AGBL1: variants seen among roughly 807,000 people sequenced by gnomAD.
AGBL1 encodes AGBL carboxypeptidase 1, also known as cytosolic carboxypeptidase 4.
AGBL1 carries 130 observed loss-of-function variants against 118.9 expected under a neutral mutation model. The ratio of observed to expected loss-of-function variants is 1.09; its 90% CI spans 0.95 to 1.26. The LOEUF (loss-of-function observed/expected upper bound fraction) is 1.26, where lower values mean the gene tolerates loss of function less well. AGBL1 is among the 50% of genes most tolerant of loss of function. The pLI is 0.00. For synonymous variants in AGBL1, 555 were observed against 478.9 expected, an observed-to-expected ratio of 1.16 and a Z score of -2.08; for missense variants, 1,584 against 1,298.1, an observed-to-expected ratio of 1.22 and a Z score of -3.38.
intron 5 of AGBL1, among the ~76,000 whole-genome samples, chr15:86,190,722 A>C (rs970616630): frequency 6.6e-6 from 1 of 152,232 alleles, no homozygotes; most frequent in Non-Finnish European, 1.5e-5. Flanking sequence ...ATAAGGTATC[A>C]AAGAACATGG....
At chr15:86,460,197 C>G (rs1360911877) in intron 18 of AGBL1, among the ~76,000 whole-genome samples, 1 of 151,302 alleles carries the variant, frequency 6.6e-6, no homozygotes, top group Non-Finnish European at 1.5e-5. Flanking sequence ...TAAAAGGAGG[C>G]CATTGGATGA....
At chr15:86,883,352 A>C (rs2079922989) in intron 22 of AGBL1, among the ~76,000 whole-genome samples, 1 of 151,994 alleles carries the variant, frequency 6.6e-6, no homozygotes, top group Middle Eastern at 3.4e-3. Context: ...GTCCCACCAG[A>C]ATCCACACAC....
intron 22 of AGBL1, among the ~76,000 whole-genome samples, chr15:86,835,379 G>T (rs1040395520): frequency 3.9e-5 from 6 of 152,100 alleles, no homozygotes; most frequent in African/African-American, 1.4e-4. Flanking sequence ...GTTTGAATGG[G>T]GTGGTGTTTA....
At chr15:86,668,471 C>A (rs868371792) in intron 21 of AGBL1, among the ~76,000 whole-genome samples, 6 of 152,118 alleles carry the variant, frequency 3.9e-5, no homozygotes, top group African/African-American at 1.4e-4. Flanking sequence ...CAAGAAATTT[C>A]CCAGATTTTT....
At chr15:87,007,358 A>G (rs2081515497) in intron 24 of AGBL1, among the ~76,000 whole-genome samples, 1 of 152,232 alleles carries the variant, frequency 6.6e-6, no homozygotes, top group Admixed American at 6.5e-5. Context: ...CCACTAAGAT[A>G]GAAAAATACA....
At chr15:86,100,437 C>T (rs1247482905) in intron 1 of AGBL1, among the ~76,000 whole-genome samples, 8 of 152,046 alleles carry the variant, frequency 5.3e-5, no homozygotes, top group Non-Finnish European at 8.8e-5. Context: ...GCAGTGAAGC[C>T]ATCCAGTCCT....
chr15:86,506,834 G>C (rs899676672), intron 18 of AGBL1, among the ~76,000 whole-genome samples: 1 of 152,020 alleles, frequency 6.6e-6, no homozygotes, highest in African/African-American at 2.4e-5. Context: ...AGATTTATTT[G>C]AGATTTTCTC....
chr15:86,698,610 GTT>G (rs78700642), intron 22 of AGBL1, among the ~76,000 whole-genome samples: 3 of 138,456 alleles, frequency 2.2e-5, no homozygotes, highest in Admixed American at 1.5e-4. Flanking sequence ...GCTGATCATT[GTT>G]TTTTTTTTTT....
chr15:86,825,362 AG>A (rs1336127178), intron 22 of AGBL1, among the ~76,000 whole-genome samples: 1 of 140,170 alleles, frequency 7.1e-6, no homozygotes, highest in Non-Finnish European at 1.5e-5. Context: ...CTCAAAAAGG[AG>A]TTGAAAAGAC....
At chr15:86,101,903 G>A (rs1205487714) in intron 1 of AGBL1, among the ~76,000 whole-genome samples, 2 of 152,062 alleles carry the variant, frequency 1.3e-5, no homozygotes, top group African/African-American at 4.8e-5. Context: ...GCTTATTCCT[G>A]TCATTTTATG....
In AGBL1 at chr15:87,028,832, GA is replaced by G; in HGVS notation, c.3332del (p.Asp1111AlafsTer9). The G allele has an allele frequency of 6.2e-7, 1 of 1,605,938 alleles. No individual in the cohort carries two copies. The stretch of plus-strand genomic sequence containing the variant: ...TTTCTTATTCCTTCTCAGAGTTTGT[GA>G]CACTTGATGAGGCTCCCTTCAAATG... On this transcript the variant is annotated frameshift_variant, in exon 25 of 25. Coordinates refer to the AGBL1 transcript ENST00000441037. LOFTEE classifies it high-confidence loss of function.
chr15:86,584,033 T>C (rs1208415315), intron 21 of AGBL1, among the ~76,000 whole-genome samples: 1 of 152,044 alleles, frequency 6.6e-6, no homozygotes, highest in East Asian at 1.9e-4. Context: ...TTTAATGGGG[T>C]TATTTTTTTG....
intron 5 of AGBL1, among the ~76,000 whole-genome samples, chr15:86,221,263 C>A (rs1283055077): frequency 6.6e-6 from 1 of 152,058 alleles, no homozygotes; most frequent in African/African-American, 2.4e-5. Context: ...GCTACCAGAA[C>A]CATGGGTGTC....
At chr15:86,747,223 TC>T (rs1358100596) in intron 22 of AGBL1, among the ~76,000 whole-genome samples, 6 of 152,062 alleles carry the variant, frequency 3.9e-5, no homozygotes, top group Admixed American at 3.9e-4. Context: ...AAGAGTATTT[TC>T]CTGCCTCAAA....
intron 21 of AGBL1, among the ~76,000 whole-genome samples, chr15:86,572,129 C>G (rs951842616): frequency 6.6e-6 from 1 of 152,140 alleles, no homozygotes; most frequent in African/African-American, 2.4e-5. Context: ...TTGGAGTGGG[C>G]GTTGACAGCG....
chr15:86,457,664 A>G (rs1229561153), intron 18 of AGBL1, among the ~76,000 whole-genome samples: 1 of 152,216 alleles, frequency 6.6e-6, no homozygotes, highest in Non-Finnish European at 1.5e-5. Context: ...AGTGCTCTGG[A>G]GAAGAAGTCC....
intron 22 of AGBL1, among the ~76,000 whole-genome samples, chr15:86,724,892 G>A (rs922106904): frequency 1.1e-4 from 17 of 152,182 alleles, no homozygotes; most frequent in African/African-American, 3.6e-4. Flanking sequence ...GCTTGCTGAG[G>A]TCCTCACCAG....
intron 22 of AGBL1, among the ~76,000 whole-genome samples, chr15:86,818,434 C>T (rs2078895628): frequency 6.6e-6 from 1 of 152,178 alleles, no homozygotes; most frequent in Non-Finnish European, 1.5e-5. Flanking sequence ...AGGTTGCATG[C>T]TCCTGAGGAG....
At chr15:86,605,399 A>G (rs1347835030) in intron 21 of AGBL1, among the ~76,000 whole-genome samples, 1 of 152,090 alleles carries the variant, frequency 6.6e-6, no homozygotes, top group Admixed American at 6.5e-5. Context: ...TTTCTTCTCA[A>G]TCTAGTTCTT....
Sources: allele counts gnomAD v4.1 joint callset (sites outside exome capture counted in the v4.1 genomes callset), GRCh38; gene constraint gnomAD v4.1.1; transcripts MANE v1.5; gene names NCBI Gene and HGNC (gene_info 2026-07-23, HGNC 2026-07-21).